AXDND1: variants seen among roughly 807,000 people sequenced by gnomAD.
The protein encoded by AXDND1 is axonemal dynein light chain domain containing 1, also known as axonemal dynein light chain domain-containing protein 1.
Under a neutral mutation model 137.5 loss-of-function variants are expected in AXDND1, and 110 were observed. The observed-to-expected ratio is 0.80, with a 90% CI of 0.69 to 0.94. The LOEUF (loss-of-function observed/expected upper bound fraction) is 0.94, where lower values mean the gene tolerates loss of function less well. AXDND1 is among the 40% of genes least tolerant of loss of function. AXDND1 has a pLI of 0.00. For missense variants in AXDND1, 1,191 were observed against 1,169.8 expected (o/e 1.02, Z -0.26); for synonymous variants, 414 against 399.7 (o/e 1.04, Z -0.43).
intron 17 of AXDND1, among the ~76,000 whole-genome samples, chr1:179,477,431 G>A (rs1212581130): frequency 6.6e-6 from 1 of 152,120 alleles, no homozygotes; most frequent in Non-Finnish European, 1.5e-5. Context: ...AATCATGGTG[G>A]AAGGTGAGAG....
intron 17 of AXDND1, among the ~76,000 whole-genome samples, chr1:179,480,728 C>G (rs890607237): frequency 1.3e-5 from 2 of 151,772 alleles, no homozygotes; most frequent in South Asian, 2.1e-4. Flanking sequence ...GTTGCTACCC[C>G]CCTCTTCCTT....
intron 17 of AXDND1, among the ~76,000 whole-genome samples, chr1:179,476,442 T>A (rs1664633716): frequency 1.3e-5 from 2 of 152,230 alleles, no homozygotes; most frequent in Non-Finnish European, 2.9e-5. Context: ...ATTTTGTTTA[T>A]AATGCCTTGT....
intron 25 of AXDND1, among the ~76,000 whole-genome samples, chr1:179,541,464 G>A (rs1041487790): frequency 4.7e-5 from 7 of 149,834 alleles, no homozygotes; most frequent in East Asian, 2.0e-4. Flanking sequence ...CCATCTTGCC[G>A]GAAAATCCGT....
At position 179,449,977 on chromosome 1, in the gene AXDND1, T is replaced by C. The variant is rs1660304678; in HGVS notation, c.1798+4773T>C. The C allele has an allele frequency of 2.1e-5, 3 of 145,376 alleles. No individual in the cohort carries two copies. In the South Asian group the frequency reaches 6.5e-4, roughly 32 times the overall value. 9.0% of individuals were successfully genotyped at this position (145,376 alleles called of 1,614,324 possible). A position where few individuals can be genotyped will look rare whatever the true frequency, so the allele number is the denominator to read the frequency against. ...TGAAGAGAGGGTTTTACTAGTTTCT[T>C]GCCAATCTGGATTTTTTTTTTTTTT... On this transcript the variant is annotated intron_variant, in intron 16 of 25. Coordinates refer to ENST00000367618, the MANE Select transcript of AXDND1 (RefSeq NM_144696.6).
chr1:179,505,905 A>AT (rs1668497041), intron 20 of AXDND1, among the ~76,000 whole-genome samples: 1 of 152,140 alleles, frequency 6.6e-6, no homozygotes, highest in Admixed American at 6.6e-5. Context: ...GCGGGAGGCC[A>AT]TTTTTTAGGA....
chr1:179,423,959 T>C (rs944105791), intron 12 of AXDND1, among the ~76,000 whole-genome samples: 4 of 151,256 alleles, frequency 2.6e-5, no homozygotes, highest in Non-Finnish European at 4.4e-5. Context: ...AGCTTCAAAG[T>C]TTTTTTTTAC....
intron 12 of AXDND1, among the ~76,000 whole-genome samples, chr1:179,424,581 C>G (rs184847284): frequency 6.6e-6 from 1 of 152,004 alleles, no homozygotes; most frequent in African/African-American, 2.4e-5. Flanking sequence ...GCACGTGCCA[C>G]CAGGCCTGGC....
chr1:179,466,793 C>G (rs1408310354), intron 16 of AXDND1, among the ~76,000 whole-genome samples: 1 of 152,100 alleles, frequency 6.6e-6, no homozygotes, highest in Non-Finnish European at 1.5e-5. Context: ...ATTTGAGACT[C>G]TGGATGATAC....
intron 12 of AXDND1, among the ~76,000 whole-genome samples, chr1:179,420,403 C>A (rs1333778035): frequency 6.6e-6 from 1 of 151,648 alleles, no homozygotes; most frequent in Non-Finnish European, 1.5e-5. Context: ...CTGTAGTTTT[C>A]TTTTTTTTGT....
chr1:179,472,394 A>G (rs903053424), intron 17 of AXDND1, among the ~76,000 whole-genome samples: 1 of 152,226 alleles, frequency 6.6e-6, no homozygotes. Flanking sequence ...TTAAAATTAT[A>G]GAGGTTTGTT....
intron 22 of AXDND1, among the ~76,000 whole-genome samples, chr1:179,527,897 T>C (rs1670687596): frequency 6.6e-6 from 1 of 152,126 alleles, no homozygotes; most frequent in Non-Finnish European, 1.5e-5. Context: ...CTCTCTATTT[T>C]ACAAGCACCT....
intron 16 of AXDND1, chr1:179,457,014 A>C (rs1335934453): frequency 1.9e-6 from 3 of 1,565,882 alleles, no homozygotes; most frequent in South Asian, 2.2e-5. Context: ...CCACCAACAA[A>C]TATCTTTTTC....
At chr1:179,408,543 G>A (rs531409037) in intron 11 of AXDND1, among the ~76,000 whole-genome samples, 1 of 152,128 alleles carries the variant, frequency 6.6e-6, no homozygotes, top group African/African-American at 2.4e-5. Flanking sequence ...ATCACACCTG[G>A]TGAATTTTTG....
intron 17 of AXDND1, among the ~76,000 whole-genome samples, chr1:179,479,810 C>T (rs1665133626): frequency 6.6e-6 from 1 of 152,048 alleles, no homozygotes; most frequent in African/African-American, 2.4e-5. Context: ...AAATTTCTTC[C>T]ACCAGATATT....
chr1:179,383,587 A>G (rs1039394402), intron 8 of AXDND1, 43 bp downstream of exon 8: 1 of 1,463,284 alleles, frequency 6.8e-7, no homozygotes, highest in African/African-American at 1.4e-5. Flanking sequence ...AAGAGCATGC[A>G]CTCAGGAGGC....
chr1:179,535,260 CAT>C (rs1309363226), intron 25 of AXDND1, among the ~76,000 whole-genome samples: 4 of 151,576 alleles, frequency 2.6e-5, no homozygotes, highest in African/African-American at 7.3e-5. Flanking sequence ...TTCTGGGGAA[CAT>C]GTGTACAACG....
chr1:179,453,323 C>T (rs1023476001), intron 16 of AXDND1: 1 of 152,408 alleles, frequency 6.6e-6, no homozygotes, highest in Non-Finnish European at 1.5e-5. Context: ...GATCCACCAA[C>T]AGTTTTCACC....
chr1:179,484,823 T>A (rs1665839287), intron 18 of AXDND1, among the ~76,000 whole-genome samples: 1 of 152,182 alleles, frequency 6.6e-6, no homozygotes, highest in Non-Finnish European at 1.5e-5. Context: ...CCATAACCAA[T>A]GCAAAGGTAT....
intron 4 of AXDND1, among the ~76,000 whole-genome samples, chr1:179,371,401 C>T (rs1323219240): frequency 6.6e-6 from 1 of 151,926 alleles, no homozygotes; most frequent in Non-Finnish European, 1.5e-5. Context: ...GCACTCCAGC[C>T]TGGGCGACCC....
Sources: allele counts gnomAD v4.1 joint callset (sites outside exome capture counted in the v4.1 genomes callset), GRCh38; gene constraint gnomAD v4.1.1; transcripts MANE v1.5; gene names NCBI Gene and HGNC (gene_info 2026-07-23, HGNC 2026-07-21).